EIF4A3: variants seen among roughly 807,000 people sequenced by gnomAD.
The protein encoded by EIF4A3 is eukaryotic translation initiation factor 4A3.
A neutral mutation model predicts 55.6 loss-of-function variants in EIF4A3; 1 was observed. The ratio of observed to expected loss-of-function variants is 0.02; its 90% CI spans 0.01 to 0.09. EIF4A3 has a LOEUF of 0.09. Ranked by LOEUF, EIF4A3 falls within the 10% of genes least tolerant of loss-of-function variation. The pLI is 1.00. For synonymous variants in EIF4A3, 194 were observed against 196.3 expected (o/e 0.99, Z 0.10); for missense variants, 221 against 540.7 (o/e 0.41, Z 5.86).
In EIF4A3 at chr17:80,135,522, G is replaced by C. The variant is rs2039563311; in HGVS notation, c.1220-16C>G. 2 of 1,552,782 alleles carry C rather than the reference G, an allele frequency of 1.3e-6. No individual in the cohort carries two copies. Among genetic ancestry groups the C allele is most frequent in the Non-Finnish European group, 1.7e-6 (2 of 1,146,852 alleles). ...AGATCAGCAACTGAAAGTGAAGAAA[G>C]AAACAGATTAAGGAACAACACAAAC... On this transcript the variant is annotated splice_polypyrimidine_tract_variant and intron_variant, in intron 11 of 11. Coordinates refer to ENST00000649764, the MANE Select transcript of EIF4A3 (RefSeq NM_014740.4).
intron 1 of EIF4A3, among the ~76,000 whole-genome samples, 165 bp downstream of exon 1, chr17:80,146,628 G>C (rs1036555746): frequency 3.9e-5 from 6 of 152,162 alleles, no homozygotes; most frequent in Non-Finnish European, 5.9e-5. Context: ...GTGAGGGCGA[G>C]GACGGGGGTG....
At chr17:80,140,260 C>A in intron 4 of EIF4A3, 120 bp from the exon 5 acceptor site, 1 of 1,220,316 alleles carries the variant, frequency 8.2e-7, no homozygotes, top group East Asian at 2.9e-5. Flanking sequence ...ATTATTATCT[C>A]GAAACCACAA....
At chr17:80,142,655 C>T (rs896814852) in intron 2 of EIF4A3, among the ~76,000 whole-genome samples, 5 of 151,554 alleles carry the variant, frequency 3.3e-5, no homozygotes, top group African/African-American at 4.9e-5. Context: ...TGAGGCGGGA[C>T]GATTCCTTAA....
intron 8 of EIF4A3, 181 bp from the exon 9 acceptor site, chr17:80,137,682 T>G: frequency 1.8e-6 from 1 of 569,748 alleles, no homozygotes; most frequent in Non-Finnish European, 3.1e-6. Flanking sequence ...TGGGGTGCAC[T>G]CACAAAACCC....
intron 2 of EIF4A3, among the ~76,000 whole-genome samples, chr17:80,142,544 G>T (rs1261485746): frequency 6.6e-6 from 1 of 152,154 alleles, no homozygotes; most frequent in Non-Finnish European, 1.5e-5. Context: ...AGGAATTCGA[G>T]ACCAGCCTGG....
chr17:80,144,004 A>G lies in EIF4A3; in HGVS notation c.242+168T>C, dbSNP rs116413231. ...CAAAAAGAAAATGAAAGCTTTCCAC[A>G]GTAGAGAACACAAATTTAAAAAAGT... On this transcript the variant is annotated intron_variant, in intron 2 of 11. Transcript: ENST00000649764. 2.6e-3 allele frequency among the ~76,000 whole-genome samples: 395 copies of G among 152,282 alleles called. 1 individual carries two copies. Among genetic ancestry groups the G allele is most frequent in the African/African-American group, 9.2e-3 (384 of 41,546 alleles).
chr17:80,141,936 A>C, intron 2 of EIF4A3, 88 bp from the exon 3 acceptor site: 4 of 1,063,888 alleles, frequency 3.8e-6, no homozygotes, highest in Non-Finnish European at 5.7e-6. Flanking sequence ...AGAGGCACTT[A>C]GGTACCTTCT....
At chr17:80,146,485 A>G (rs1028702551) in intron 1 of EIF4A3, among the ~76,000 whole-genome samples, 1 of 152,200 alleles carries the variant, frequency 6.6e-6, no homozygotes, top group Non-Finnish European at 1.5e-5. Context: ...TACCTAGAAA[A>G]GCTAATAGGT....
rs1293292621 is a variant in EIF4A3 at position 80,137,719 on chromosome 17, ACT to A, written c.868-220_868-219del. On this transcript the variant is annotated intron_variant, in intron 8 of 11. Coordinates refer to ENST00000649764, the MANE Select transcript of EIF4A3 (RefSeq NM_014740.4). ...CTTACTTCATTTTCTCCATATAATG[ACT>A]CTATGGGGGGAGGGGGCCAGGTGTG... is the stretch of plus-strand genomic sequence containing the variant. The A allele has an allele frequency of 7.7e-6, 4 of 521,854 alleles. No homozygotes were observed. In the East Asian group the frequency reaches 1.0e-4, roughly 13 times the overall value. 32.3% of individuals were successfully genotyped at this position (521,854 alleles called of 1,614,324 possible).
At position 80,138,205 on chromosome 17, in the gene EIF4A3, C is replaced by T. The variant is rs1363410365; in HGVS notation, c.804G>A (p.Leu268=). The T allele has an allele frequency of 6.2e-7, 1 of 1,614,146 alleles. No individual in the cohort carries two copies. The highest frequency in any genetic ancestry group is 1.7e-5 in the Admixed American group (1 of 60,022). The change falls in exon 8 of 12, where the codon CTG becomes CTA. Residue 268 remains leucine, a synonymous_variant. Transcript: ENST00000649764. ...TGGTCAGTGTGTCGTAGAGGTCACA[C>T]AGAGTGTCAAATTTCCACTCTTCCC... ...VEREEWKFDT[L]CDLYDTLTIT...
Position 80,146,783 on chromosome 17 carries a change from G to A in EIF4A3, c.169+10C>T, listed in dbSNP as rs1378896022. 1.2e-6 allele frequency: 2 copies of A among 1,603,022 alleles called. No homozygotes were observed. The highest frequency in any genetic ancestry group is 1.7e-6 in the Non-Finnish European group (2 of 1,177,974). On this transcript the variant is annotated intron_variant, in intron 1 of 11. Transcript: ENST00000649764. ...CCCCCGGCTGGCCCCCGCGGCCCGC[G>A]CCCGCTCACCGTAAGCGTAGATGCC...
intron 3 of EIF4A3, 94 bp from the exon 4 acceptor site, chr17:80,141,475 C>A: frequency 8.0e-7 from 1 of 1,250,420 alleles, no homozygotes; most frequent in Non-Finnish European, 1.1e-6. Flanking sequence ...GAAATACTAT[C>A]TCATATTAAT....
chr17:80,135,188 G>A lies in EIF4A3; in HGVS notation c.*302C>T, dbSNP rs1291884764. Reference sequence around the variant, plus strand: ...AAAAAGAAAAGAAAAAAAGAAAAGTGAGTGAAATGACCCAAGACTACACAG... The same window carrying A: ...AAAAAGAAAAGAAAAAAAGAAAAGTAAGTGAAATGACCCAAGACTACACAG... On this transcript the variant is annotated 3_prime_UTR_variant, in exon 12 of 12. Coordinates refer to ENST00000649764, the MANE Select transcript of EIF4A3 (RefSeq NM_014740.4). 4 of 318,758 alleles carry A rather than the reference G, an allele frequency of 1.3e-5. No homozygotes were observed. Among genetic ancestry groups the A allele is most frequent in the South Asian group, 1.3e-4 (1 of 7,416 alleles). 19.7% of individuals were successfully genotyped at this position (318,758 alleles called of 1,614,324 possible).
chr17:80,146,494 G>A (rs75826008), intron 1 of EIF4A3, among the ~76,000 whole-genome samples: 3,289 of 152,316 alleles, frequency 0.022, 90 homozygotes, highest in South Asian at 0.11. Context: ...AAGCTAATAG[G>A]TAGAAATCAG....
Position 80,146,877 on chromosome 17 carries a change from C to G in EIF4A3, c.85G>C (p.Glu29Gln). 6.2e-7 allele frequency: 1 copy of G among 1,611,522 alleles called. No homozygotes were observed. The highest frequency in any genetic ancestry group is 8.5e-7 in the Non-Finnish European group (1 of 1,179,120). ...KEEDMTKVEF[E>Q]TSEEVDVTPT... ...GTCACATCCACCTCCTCGCTGGTCT[C>G]GAATTCCACTTTAGTCATGTCTTCC... Residue 29 changes from glutamate to glutamine, a missense_variant, in exon 1 of 12, where the codon GAG (glutamate) becomes CAG (glutamine). This residue lies in a region of EIF4A3 where 43 missense variants were observed against 39.1 expected (regional missense o/e 1.10). Transcript: ENST00000649764.
chr17:80,139,606 C>T lies in EIF4A3; in HGVS notation c.586+64G>A, dbSNP rs115917936. 1.7e-3 allele frequency: 2,482 copies of T among 1,420,486 alleles called. 32 individuals carry two copies. The African/African-American group carries it at 0.032, about 18-fold the overall frequency. 88.0% of individuals were successfully genotyped at this position (1,420,486 alleles called of 1,614,324 possible). ...ACAGTCACTGGCTGTTTCAATTTTA[C>T]ACTGTGAAAATTTAAGAACTAAGAA... is the stretch of plus-strand genomic sequence containing the variant. On this transcript the variant is annotated intron_variant, in intron 6 of 11. Transcript: ENST00000649764.
chr17:80,139,831 AAGAG>A (rs2039603125), intron 5 of EIF4A3, 81 bp from the exon 6 acceptor site: 1 of 1,516,676 alleles, frequency 6.6e-7, no homozygotes, highest in Non-Finnish European at 9.0e-7. Context: ...GCTCCCAAGA[AAGAG>A]CTCATCATTC....
chr17:80,138,598 G>GTTGTT, intron 7 of EIF4A3: 1 of 365,692 alleles, frequency 2.7e-6, no homozygotes, highest in East Asian at 5.2e-5. Context: ...TAAAAGATGG[G>GTTGTT]TTGTTTTGTT....
At chr17:80,140,581 C>T (rs12450753) in intron 4 of EIF4A3, 44,051 of 153,810 alleles carry the variant, frequency 0.29, 6,467 homozygotes, top group Middle Eastern at 0.38. Flanking sequence ...ATCTCCTGAC[C>T]TCGTAATTGG....
Sources: allele counts gnomAD v4.1 joint callset (sites outside exome capture counted in the v4.1 genomes callset), GRCh38; gene constraint gnomAD v4.1.1; regional missense constraint gnomAD v4.1.1; transcripts MANE v1.5; gene names NCBI Gene and HGNC (gene_info 2026-07-23, HGNC 2026-07-21).